Variants in APC observed in about 807,000 individuals in gnomAD.
The protein encoded by APC is APC regulator of Wnt signaling pathway.
In APC, 72 loss-of-function variants were observed where a neutral mutation model predicts 247.0. The observed-to-expected ratio is 0.29, with a 90% confidence interval of 0.24 to 0.35. The LOEUF (loss-of-function observed/expected upper bound fraction) is 0.35, where lower values mean the gene tolerates loss of function less well. Among genes scored for constraint, APC ranks in the 10% least tolerant of loss-of-function variants. APC has a pLI of 1.00. For synonymous variants in APC, 1,254 were observed against 1,162.5 expected, an observed-to-expected ratio of 1.08 and a Z score of -1.60; for missense variants, 3,400 against 3,360.7, an observed-to-expected ratio of 1.01 and a Z score of -0.29.
chr5:112,824,373 C>G (rs996709900), intron 11 of APC, among the ~76,000 whole-genome samples: 2 of 152,190 alleles, frequency 1.3e-5, no homozygotes, highest in African/African-American at 4.8e-5. Flanking sequence ...TTCTGTGCCT[C>G]AAAATTCTCT....
chr5:112,765,623 C>T (rs933413576), intron 2 of APC, among the ~76,000 whole-genome samples: 2 of 152,002 alleles, frequency 1.3e-5, no homozygotes, highest in African/African-American at 4.8e-5. Context: ...GAATGGAATG[C>T]CTCAGTAAAT....
intron 14 of APC, among the ~76,000 whole-genome samples, chr5:112,834,537 C>G (rs1045614004): frequency 7.2e-5 from 11 of 152,192 alleles, no homozygotes; most frequent in African/African-American, 2.4e-4. Context: ...GCCACTGTGC[C>G]CGGCCACATG....
At chr5:112,762,611 A>T (rs1755796137) in intron 2 of APC, among the ~76,000 whole-genome samples, 1 of 152,242 alleles carries the variant, frequency 6.6e-6, no homozygotes, top group Admixed American at 6.5e-5. Flanking sequence ...GTACTGTGTG[A>T]TTCCATTTAT....
chr5:112,842,162 G>C lies in APC; in HGVS notation c.6568G>C (p.Gly2190Arg), dbSNP rs2149967764. The C allele has an allele frequency of 1.2e-6, 2 of 1,612,340 alleles. No individual in the cohort carries two copies. Among genetic ancestry groups the C allele is most frequent in the Non-Finnish European group, 1.7e-6 (2 of 1,179,024 alleles). Reference protein sequence around the residue: ...KIESESKGIKGGKKVYKSLIT... With the variant: ...KIESESKGIKRGKKVYKSLIT... Reference sequence around the variant, plus strand: ...AGAATCTGAAAGTAAAGGAATCAAAGGAGGAAAAAAAGTTTATAAAAGTTT... The same window carrying C: ...AGAATCTGAAAGTAAAGGAATCAAACGAGGAAAAAAAGTTTATAAAAGTTT... Residue 2190 changes from glycine (G) to arginine (R), a missense_variant, in exon 16 of 16, where the codon GGA becomes CGA. Physicochemically the swap from Gly to Arg is moderately radical, Grantham distance 125. Transcript: ENST00000257430.
At chr5:112,780,068 A>G (rs1392975989) in intron 5 of APC, among the ~76,000 whole-genome samples, 1 of 152,158 alleles carries the variant, frequency 6.6e-6, no homozygotes, top group Non-Finnish European at 1.5e-5. Flanking sequence ...ATGTTTCATT[A>G]CCTTGTCCTT....
chr5:112,766,924 G>T (rs987968964), intron 3 of APC, among the ~76,000 whole-genome samples: 9 of 152,154 alleles, frequency 5.9e-5, no homozygotes, highest in African/African-American at 2.2e-4. Context: ...GCCAGACAGA[G>T]AAATTACTTT....
intron 14 of APC, among the ~76,000 whole-genome samples, chr5:112,831,586 A>G (rs115438759): frequency 0.012 from 1,847 of 152,282 alleles, 19 homozygotes; most frequent in Middle Eastern, 0.02. Context: ...TTCAGCTACT[A>G]ATGAGCAAGA....
intron 7 of APC, among the ~76,000 whole-genome samples, chr5:112,801,033 G>A (rs1360270971): frequency 6.6e-6 from 1 of 152,112 alleles, no homozygotes; most frequent in African/African-American, 2.4e-5. Context: ...GCATTCCTGT[G>A]AGTCTCAGAA....
upstream of APC, among the ~76,000 whole-genome samples, chr5:112,736,626 T>C (rs915184627): frequency 4.0e-5 from 6 of 149,428 alleles, no homozygotes; most frequent in African/African-American, 1.5e-4. Flanking sequence ...TTAAAAACTT[T>C]AAGTTTAGGC....
At chr5:112,827,815 C>G in intron 12 of APC, 114 bp from the exon 13 acceptor site, 1 of 788,464 alleles carries the variant, frequency 1.3e-6, no homozygotes, top group Non-Finnish European at 2.2e-6. Flanking sequence ...AGTGAAGTAT[C>G]AGTTATGATT....
chr5:112,805,417 C>G (rs62364022), intron 8 of APC, among the ~76,000 whole-genome samples: 3,361 of 152,256 alleles, frequency 0.022, 58 homozygotes, highest in Non-Finnish European at 0.033. Context: ...AAGTGATGAA[C>G]TCTGATAGTG....
chr5:112,788,202 A>C (rs1759188867), intron 6 of APC, among the ~76,000 whole-genome samples: 1 of 152,132 alleles, frequency 6.6e-6, no homozygotes. Flanking sequence ...CAGTTTTATA[A>C]ATCTTGATAT....
At position 112,756,705 on chromosome 5, in the gene APC, T is replaced by G. The variant is rs4705486; in HGVS notation, c.135+1680T>G. On this transcript the variant is annotated intron_variant, in intron 2 of 15. Transcript: ENST00000257430. ...ATTTGAGAGACAATGTAACTTACCC[T>G]TAGATCCATCTCCACACTGAAGTGG... 0.4 allele frequency among the ~76,000 whole-genome samples: 61,023 copies of G among 151,922 alleles called. 14,773 individuals carry two copies. Among genetic ancestry groups the G allele is most frequent in the East Asian group, 0.67 (3,465 of 5,152 alleles).
rs1161386093 is a variant in APC at position 112,777,885 on chromosome 5, C to A, written c.531+2148C>A. 1.9e-5 allele frequency: 4 copies of A among 214,896 alleles called. No homozygotes were observed. The East Asian group carries it at 5.1e-4, about 27-fold the overall frequency. The allele number at this position is 214,896 out of a possible 1,614,324, so 13.3% of individuals were successfully genotyped here. A position where few individuals can be genotyped will look rare whatever the true frequency, so the allele number is the denominator to read the frequency against. ...AGCATCCCTTCTCTTCTTTGATTTACTGTCATCAGATTCACTGTCAGATAA... is the reference window on the plus strand; with the variant it reads ...AGCATCCCTTCTCTTCTTTGATTTAATGTCATCAGATTCACTGTCAGATAA... On this transcript the variant is annotated intron_variant, in intron 5 of 15. Coordinates refer to ENST00000257430, the MANE Select transcript of APC (RefSeq NM_000038.6).
At position 112,763,241 on chromosome 5, in the gene APC, T is replaced by A. The variant is rs9647582; in HGVS notation, c.136-3085T>A. Among the ~76,000 whole-genome samples, 61,050 of 151,950 alleles carry A rather than the reference T, an allele frequency of 0.4. 14,785 individuals carry two copies. The highest frequency in any genetic ancestry group is 0.67 in the East Asian group (3,469 of 5,176). Reference sequence around the variant, plus strand: ...GTGGACAAAAAAAATCAAAATCAACTATTTTTTTTTAAATTTAAATCCCAT... The same window carrying A: ...GTGGACAAAAAAAATCAAAATCAACAATTTTTTTTTAAATTTAAATCCCAT... On this transcript the variant is annotated intron_variant, in intron 2 of 15. Transcript: ENST00000257430.
chr5:112,839,936 A>G lies in APC; in HGVS notation c.4342A>G (p.Thr1448Ala), dbSNP rs1179685087. ...TCCACCACCTCCTCAAACAGCTCAA[A>G]CCAAGCGAGAAGTACCTAAAAATAA... is the stretch of plus-strand genomic sequence containing the variant. ...TPPPPPQTAQ[T>A]KREVPKNKAP... Residue 1448 changes from threonine (T) to alanine (A), a missense_variant, in exon 16 of 16, where the codon ACC becomes GCC. Thr to Ala is a moderately conservative substitution (Grantham distance 58, BLOSUM62 0). Around this residue, in one of 9 missense-constraint regions of APC, gnomAD observed 1,788 missense variants for 1,649.5 expected, o/e 1.08. Transcript: ENST00000257430. The surrounding 1 kb of genome is among the most constrained non-coding windows in gnomAD (Gnocchi z 5.0). The G allele has an allele frequency of 6.2e-7, 1 of 1,614,066 alleles. No homozygotes were observed. Among genetic ancestry groups the G allele is most frequent in the Non-Finnish European group, 8.5e-7 (1 of 1,180,008 alleles).
chr5:112,822,076 A>G (rs1763205983), intron 11 of APC, 85 bp downstream of exon 11: 3 of 915,230 alleles, frequency 3.3e-6, no homozygotes, highest in African/African-American at 1.6e-5. Context: ...GTAAATAAAG[A>G]TTTTTAATCA....
chr5:112,773,209 C>A (rs2149807974), intron 4 of APC, among the ~76,000 whole-genome samples: 1 of 152,264 alleles, frequency 6.6e-6, no homozygotes, highest in Admixed American at 6.5e-5. Context: ...AAGGAAAATA[C>A]ATTTTAGCAA....
chr5:112,781,589 C>T (rs1460547490), intron 6 of APC, among the ~76,000 whole-genome samples: 1 of 152,028 alleles, frequency 6.6e-6, no homozygotes, highest in Non-Finnish European at 1.5e-5. Context: ...TAAAGATTTT[C>T]TTTAAGTAAA....
Sources: gnomAD v4.1 joint callset for allele counts (sites outside exome capture counted in the v4.1 genomes callset) on GRCh38, gnomAD v4.1.1 for gene constraint, gnomAD v4.1.1 regional missense constraint, Gnocchi (gnomAD v3.1) non-coding constraint, MANE v1.5 for transcripts, NCBI Gene and HGNC (gene_info 2026-07-23, HGNC 2026-07-21) for gene names.